DYNLL1: variants seen among roughly 807,000 people sequenced by gnomAD.
DYNLL1 encodes dynein light chain 1, cytoplasmic.
A neutral mutation model predicts 10.1 loss-of-function variants in DYNLL1; 3 were observed. The observed-to-expected ratio is 0.30, with a 90% confidence interval of 0.14 to 0.77. DYNLL1 has a LOEUF of 0.77. Among genes scored for constraint, DYNLL1 ranks in the 30% least tolerant of loss-of-function variants. The pLI is 0.66. For missense variants in DYNLL1, 47 were observed against 111.7 expected (o/e 0.42, Z 2.61); for synonymous variants, 46 against 41.2 (o/e 1.12, Z -0.45).
chr12:120,486,274 A>C (rs1392704051), intron 1 of DYNLL1, among the ~76,000 whole-genome samples: 1 of 152,202 alleles, frequency 6.6e-6, no homozygotes, highest in Non-Finnish European at 1.5e-5. Flanking sequence ...TAATGAAATA[A>C]TACCTTTGGA....
At chr12:120,487,425 T>C (rs1879023174) in intron 1 of DYNLL1, among the ~76,000 whole-genome samples, 1 of 150,674 alleles carries the variant, frequency 6.6e-6, no homozygotes, top group South Asian at 2.1e-4. Flanking sequence ...GCCTCCCGAG[T>C]AGCTGGGACT....
chr12:120,483,554 G>A (rs775901793), intron 1 of DYNLL1, among the ~76,000 whole-genome samples: 1 of 152,154 alleles, frequency 6.6e-6, no homozygotes, highest in Non-Finnish European at 1.5e-5. Context: ...TAAGCAGGCA[G>A]GTTTGGGAGT....
At chr12:120,484,464 A>T (rs925085521) in intron 1 of DYNLL1, among the ~76,000 whole-genome samples, 1 of 152,188 alleles carries the variant, frequency 6.6e-6, no homozygotes, top group African/African-American at 2.4e-5. Flanking sequence ...AAAGGAAAAA[A>T]GCCTGTTATA....
chr12:120,485,616 G>GA (rs1878976307), intron 1 of DYNLL1, among the ~76,000 whole-genome samples: 1 of 151,898 alleles, frequency 6.6e-6, no homozygotes, highest in South Asian at 2.1e-4. Context: ...AAGGTGGGAG[G>GA]ATTGCTTGAG....
In DYNLL1 at chr12:120,498,053, T is replaced by C; in HGVS notation, c.133-20T>C. The C allele has an allele frequency of 6.2e-7, 1 of 1,611,426 alleles. No individual in the cohort carries two copies. Among genetic ancestry groups the C allele is most frequent in the Non-Finnish European group, 8.5e-7 (1 of 1,178,696 alleles). Reference sequence around the variant, plus strand: ...CCTCTGGTAATTAAAATCCTAGTTCTTTTCTTTTGTCTTTTCCAGGAATTT... The same window carrying C: ...CCTCTGGTAATTAAAATCCTAGTTCCTTTCTTTTGTCTTTTCCAGGAATTT... On this transcript the variant is annotated intron_variant, in intron 2 of 2. Coordinates refer to ENST00000242577, the MANE Select transcript of DYNLL1 (RefSeq NM_003746.3).
upstream of DYNLL1, among the ~76,000 whole-genome samples, chr12:120,493,570 AATT>A (rs1879188224): frequency 6.6e-6 from 1 of 151,506 alleles, no homozygotes; most frequent in African/African-American, 2.4e-5. Context: ...GTTCAAATAA[AATT>A]ATTATATAGA....
chr12:120,471,949 T>G (rs1283318596), intron 1 of DYNLL1, among the ~76,000 whole-genome samples: 1 of 152,158 alleles, frequency 6.6e-6, no homozygotes, highest in African/African-American at 2.4e-5. Flanking sequence ...AAGCAAGAGA[T>G]TCTCATAATA....
intron 1 of DYNLL1, among the ~76,000 whole-genome samples, chr12:120,482,656 G>GGTACTAGATTA (rs754472081): frequency 1.7e-3 from 254 of 152,098 alleles, no homozygotes; most frequent in Non-Finnish European, 2.7e-3. Flanking sequence ...GAAAGGCAAA[G>GGTACTAGATTA]GTACTAGATT....
chr12:120,489,104 C>A (rs185741876), intron 1 of DYNLL1, among the ~76,000 whole-genome samples: 2 of 152,144 alleles, frequency 1.3e-5, no homozygotes, highest in Non-Finnish European at 2.9e-5. Flanking sequence ...CCATAGTAAA[C>A]GCTCAGAGAA....
chr12:120,473,315 T>C (rs1878688032), intron 1 of DYNLL1, among the ~76,000 whole-genome samples: 1 of 151,836 alleles, frequency 6.6e-6, no homozygotes, highest in Non-Finnish European at 1.5e-5. Flanking sequence ...TCCCAGCACT[T>C]TGGGAGGCTG....
intron 1 of DYNLL1, among the ~76,000 whole-genome samples, chr12:120,479,428 T>A (rs1794752): frequency 0.29 from 36,233 of 123,940 alleles, 5,781 homozygotes; most frequent in Admixed American, 0.44. Flanking sequence ...AGCCTGGGCA[T>A]CAAGAGTGAA....
chr12:120,485,516 A>C (rs1878974688), intron 1 of DYNLL1, among the ~76,000 whole-genome samples: 1 of 151,918 alleles, frequency 6.6e-6, no homozygotes, highest in Non-Finnish European at 1.5e-5. Flanking sequence ...GGCCTCCCAA[A>C]GTGCTGGGAT....
At chr12:120,498,049 G>C (rs764235939) in intron 2 of DYNLL1, 24 bp from the exon 3 acceptor site, 3 of 1,610,206 alleles carry the variant, frequency 1.9e-6, no homozygotes, top group South Asian at 2.2e-5. Flanking sequence ...TAAAATCCTA[G>C]TTCTTTTCTT....
chr12:120,478,410 A>AT (rs77875091), intron 1 of DYNLL1, among the ~76,000 whole-genome samples: 221 of 142,048 alleles, frequency 1.6e-3, no homozygotes, highest in African/African-American at 3.3e-3. Context: ...CCTGGCCCCA[A>AT]TTTTTTTTTT....
At chr12:120,496,727 C>A in intron 2 of DYNLL1, 174 bp downstream of exon 2, 4 of 959,414 alleles carry the variant, frequency 4.2e-6, no homozygotes, top group Non-Finnish European at 6.1e-6. Context: ...AAGACCAGAC[C>A]CCCGGCGTCC....
At chr12:120,493,122 G>A (rs1377048064), upstream of DYNLL1, among the ~76,000 whole-genome samples, 3 of 152,124 alleles carry the variant, frequency 2.0e-5, no homozygotes, top group African/African-American at 7.2e-5. Context: ...TCTGAGATCA[G>A]TTTAACAATG....
chr12:120,496,084 AGGC>A (rs982566275), upstream of DYNLL1: 71 of 418,878 alleles, frequency 1.7e-4, no homozygotes, highest in Non-Finnish European at 2.3e-4. Flanking sequence ...CCTGAGCACT[AGGC>A]GGCGGCGGCT....
rs1878975930 is a variant in DYNLL1 at position 120,485,599 on chromosome 12, G to C, written c.-6-10817G>C. The stretch of plus-strand genomic sequence containing the variant: ...TCATGCCTATAATACCAGCACTTTT[G>C]GAGGCCAAGGTGGGAGGATTGCTTG... On this transcript the variant is annotated intron_variant, in intron 1 of 2. Transcript: ENST00000392509. Among the ~76,000 whole-genome samples the C allele has an allele frequency of 2.0e-5, 3 of 151,864 alleles. No homozygotes were observed. In the South Asian group the frequency reaches 6.2e-4, roughly 31 times the overall value.
At chr12:120,496,280 C>T (rs753590933) in intron 1 of DYNLL1, 64 bp downstream of exon 1, 4 of 1,322,734 alleles carry the variant, frequency 3.0e-6, no homozygotes, top group Non-Finnish European at 4.1e-6. Flanking sequence ...CCGGACTTAG[C>T]CCTCCGCGTA....
Sources: gnomAD v4.1 joint callset for allele counts (sites outside exome capture counted in the v4.1 genomes callset) on GRCh38, gnomAD v4.1.1 for gene constraint, MANE v1.5 for transcripts, NCBI Gene and HGNC (gene_info 2026-07-23, HGNC 2026-07-21) for gene names.